DGKB: variants seen among roughly 807,000 people sequenced by gnomAD.
DGKB encodes the protein diacylglycerol kinase beta, also known as 90 kDa diacylglycerol kinase.
In DGKB, 67 loss-of-function variants were observed where a neutral mutation model predicts 114.3. That is an observed-to-expected ratio of 0.59 (90% CI 0.48 to 0.72). The LOEUF is 0.72. DGKB is among the 30% of genes least tolerant of loss of function. The pLI is 0.00. For missense variants in DGKB, 907 were observed against 975.2 expected, an observed-to-expected ratio of 0.93 and a Z score of 0.93; for synonymous variants, 398 against 323.1, an observed-to-expected ratio of 1.23 and a Z score of -2.49.
chr7:14,931,407 G>A (rs1199267108), intron 1 of DGKB, among the ~76,000 whole-genome samples: 1 of 152,200 alleles, frequency 6.6e-6, no homozygotes, highest in African/African-American at 2.4e-5. Context: ...ACCGTGCCCA[G>A]CAGTTTGCTA....
rs138603806 is a variant in DGKB, at chr7:14,213,108, TA to T, written c.2123-34958del. The stretch of plus-strand genomic sequence containing the variant: ...TATATCAGTTTTGTATATCAATTTT[TA>T]TAAAAAAATGGTAACACATTCTAAA... On this transcript the variant is annotated intron_variant, in intron 23 of 25. Transcript: ENST00000402815. Among the ~76,000 whole-genome samples, 1,065 of 152,198 alleles carry T rather than the reference TA, an allele frequency of 7.0e-3. 13 individuals carry two copies. Among genetic ancestry groups the T allele is most frequent in the African/African-American group, 0.024 (1,014 of 41,548 alleles).
At position 14,662,623 on chromosome 7, in the gene DGKB, A is replaced by G. The variant is rs548273919; in HGVS notation, c.1134+10306T>C. Among the ~76,000 whole-genome samples, 3 of 152,116 alleles carry G rather than the reference A, an allele frequency of 2.0e-5. No homozygotes were observed. The East Asian group carries it at 5.8e-4, about 29-fold the overall frequency. On this transcript the variant is annotated intron_variant, in intron 13 of 25. Coordinates refer to ENST00000402815, the MANE Select transcript of DGKB (RefSeq NM_001350709.2). ...AACTAAAATATGACTTCTTTACTTA[A>G]TGAGATTACACAGGCATTAACAGTG...
chr7:14,263,504 G>A (rs1797059100), intron 23 of DGKB, among the ~76,000 whole-genome samples: 1 of 152,112 alleles, frequency 6.6e-6, no homozygotes. Flanking sequence ...CTGGGTTTCT[G>A]TACATGACAT....
chr7:14,604,114 CACA>C (rs1416212874), intron 17 of DGKB, among the ~76,000 whole-genome samples: 1 of 152,046 alleles, frequency 6.6e-6, no homozygotes, highest in Admixed American at 6.6e-5. Context: ...TCAATTATAT[CACA>C]ACATGTTCCA....
chr7:14,319,939 C>A (rs997053988), intron 23 of DGKB, among the ~76,000 whole-genome samples: 4 of 152,182 alleles, frequency 2.6e-5, no homozygotes, highest in Non-Finnish European at 5.9e-5. Flanking sequence ...TGTATTCTCA[C>A]CTTGGGCTAC....
chr7:14,254,521 C>T (rs1278243491), intron 23 of DGKB, among the ~76,000 whole-genome samples: 1 of 152,114 alleles, frequency 6.6e-6, no homozygotes, highest in Non-Finnish European at 1.5e-5. Context: ...AGTTACATCA[C>T]CCAGCAACCC....
intron 20 of DGKB, among the ~76,000 whole-genome samples, chr7:14,538,573 T>C (rs1403325333): frequency 6.6e-6 from 1 of 152,098 alleles, no homozygotes; most frequent in Non-Finnish European, 1.5e-5. Flanking sequence ...TAAAATAGTA[T>C]AGAGATTCCT....
At chr7:14,890,949 G>A (rs549155973) in intron 1 of DGKB, among the ~76,000 whole-genome samples, 126 of 150,550 alleles carry the variant, frequency 8.4e-4, no homozygotes, top group African/African-American at 3.0e-3. Flanking sequence ...ACACTTAGTC[G>A]AATTAAAAAT....
chr7:14,211,459 GTTTTGTGATTTTACTCTCA>G (rs2128305961), intron 23 of DGKB, among the ~76,000 whole-genome samples: 1 of 64,032 alleles, frequency 1.6e-5, no homozygotes, highest in African/African-American at 1.0e-4. Flanking sequence ...TTACTCTCAT[GTTTTGTGATTTTACTCTCA>G]TGTTTTGTGA....
At chr7:14,376,497 A>G (rs1221760215) in intron 21 of DGKB, among the ~76,000 whole-genome samples, 2 of 152,212 alleles carry the variant, frequency 1.3e-5, no homozygotes, top group Non-Finnish European at 2.9e-5. Flanking sequence ...CAAAGTTACT[A>G]ACTATGCAAT....
chr7:14,415,621 T>A (rs1825601732), intron 21 of DGKB, among the ~76,000 whole-genome samples: 1 of 152,156 alleles, frequency 6.6e-6, no homozygotes, highest in South Asian at 2.1e-4. Flanking sequence ...TATGGCTGCA[T>A]AGTATTCCAT....
At chr7:14,756,212 T>G (rs538863017) in intron 3 of DGKB, among the ~76,000 whole-genome samples, 1 of 152,206 alleles carries the variant, frequency 6.6e-6, no homozygotes, top group Non-Finnish European at 1.5e-5. Flanking sequence ...TAGATAAGCA[T>G]GTAAGTTTTC....
intron 23 of DGKB, among the ~76,000 whole-genome samples, chr7:14,313,411 T>A (rs924516390): frequency 7.9e-5 from 12 of 151,804 alleles, no homozygotes; most frequent in Non-Finnish European, 1.2e-4. Context: ...GGTCAGTGGG[T>A]GTGCGCACAG....
At chr7:14,839,665 C>T (rs1389281062) in intron 2 of DGKB, among the ~76,000 whole-genome samples, 1 of 151,912 alleles carries the variant, frequency 6.6e-6, no homozygotes, top group Non-Finnish European at 1.5e-5. Flanking sequence ...ACCTCCAAAA[C>T]CTAAATGTAA....
intron 20 of DGKB, among the ~76,000 whole-genome samples, chr7:14,486,687 A>G (rs1783863873): frequency 6.6e-6 from 1 of 152,194 alleles, no homozygotes; most frequent in African/African-American, 2.4e-5. Flanking sequence ...GGCAGAGAGA[A>G]TATCTAGAGA....
intron 12 of DGKB, among the ~76,000 whole-genome samples, chr7:14,681,130 T>TA (rs529353107): frequency 6.6e-4 from 100 of 152,010 alleles, no homozygotes; most frequent in Admixed American, 2.4e-3. Flanking sequence ...AACTGGTTTT[T>TA]AAAAATCTAC....
At chr7:14,690,760 C>T (rs73680187) in intron 9 of DGKB, among the ~76,000 whole-genome samples, 245 of 152,270 alleles carry the variant, frequency 1.6e-3, no homozygotes, top group African/African-American at 5.3e-3. Context: ...CAGAGTTTAC[C>T]TCTATATAAA....
Position 14,802,514 on chromosome 7 carries a change from T to C in DGKB, c.70+38680A>G, listed in dbSNP as rs183360365. 2.0e-3 allele frequency among the ~76,000 whole-genome samples: 303 copies of C among 152,278 alleles called. 3 individuals carry two copies. The highest frequency in any genetic ancestry group is 3.5e-4 in the Non-Finnish European group (24 of 68,004). On this transcript the variant is annotated intron_variant, in intron 2 of 25. Transcript: ENST00000402815. Reference sequence around the variant, plus strand: ...TTAATTTCTGCAATGTCTCTGAAGATTTTAAAAATTTTGTTAACATTCTTG... The same window carrying C: ...TTAATTTCTGCAATGTCTCTGAAGACTTTAAAAATTTTGTTAACATTCTTG...
intron 2 of DGKB, among the ~76,000 whole-genome samples, chr7:14,775,586 T>C (rs1838041927): frequency 6.6e-6 from 1 of 151,904 alleles, no homozygotes; most frequent in Non-Finnish European, 1.5e-5. Context: ...CATGCTGTTT[T>C]TGTGATAGTG....
Sources: gnomAD v4.1 joint callset for allele counts (sites outside exome capture counted in the v4.1 genomes callset) on GRCh38, gnomAD v4.1.1 for gene constraint, MANE v1.5 for transcripts, NCBI Gene and HGNC (gene_info 2026-07-23, HGNC 2026-07-21) for gene names.